Variants in ADAMTS18 observed in about 807,000 individuals in gnomAD.
ADAMTS18 encodes the protein ADAM metallopeptidase with thrombospondin type 1 motif 18, also known as A disintegrin and metalloproteinase with thrombospondin motifs 18.
ADAMTS18 carries 157 observed loss-of-function variants against 165.9 expected under a neutral mutation model. The observed-to-expected ratio is 0.95, with a 90% confidence interval of 0.83 to 1.08. The LOEUF is 1.08. Among genes scored for constraint, ADAMTS18 ranks in the 50% least tolerant of loss-of-function variants. The probability of loss-of-function intolerance (pLI) is 0.00; values close to 1 mark genes in which losing one functional copy is unlikely to be tolerated. For missense variants in ADAMTS18, 2,040 were observed against 1,534.0 expected (o/e 1.33, Z -5.51); for synonymous variants, 782 against 578.2 (o/e 1.35, Z -5.06).
chr16:77,293,322 A>G, intron 19 of ADAMTS18, 64 bp from the exon 20 acceptor site: 2 of 1,349,182 alleles, frequency 1.5e-6, no homozygotes, highest in Non-Finnish European at 2.1e-6. Flanking sequence ...ATTAAAAAAA[A>G]AAACAACACA....
chr16:77,393,597 G>C (rs983711894), intron 3 of ADAMTS18, among the ~76,000 whole-genome samples: 1 of 152,178 alleles, frequency 6.6e-6, no homozygotes, highest in East Asian at 1.9e-4. Context: ...GAGCTGCCTT[G>C]CTTCTTCCAC....
intron 13 of ADAMTS18, among the ~76,000 whole-genome samples, chr16:77,323,260 G>A (rs1483087801): frequency 6.6e-6 from 1 of 152,140 alleles, no homozygotes; most frequent in Non-Finnish European, 1.5e-5. Flanking sequence ...GGGTGATATT[G>A]AGCGATATCC....
intron 16 of ADAMTS18, among the ~76,000 whole-genome samples, chr16:77,309,198 G>T (rs74025793): frequency 1.3e-5 from 2 of 150,150 alleles, no homozygotes; most frequent in African/African-American, 4.9e-5. Context: ...TTATGCTAAC[G>T]TGCGCATGTA....
At chr16:77,428,873 T>C (rs2057704755) in intron 3 of ADAMTS18, among the ~76,000 whole-genome samples, 1 of 152,214 alleles carries the variant, frequency 6.6e-6, no homozygotes, top group Admixed American at 6.5e-5. Flanking sequence ...ACTCAATTTA[T>C]ACATACTCTG....
chr16:77,362,003 T>C, intron 7 of ADAMTS18, 102 bp downstream of exon 7: 2 of 1,297,018 alleles, frequency 1.5e-6, no homozygotes, highest in Non-Finnish European at 2.2e-6. Flanking sequence ...AAATATTATG[T>C]CTGTTTATTA....
At chr16:77,324,764 A>G (rs1188759125) in intron 13 of ADAMTS18, among the ~76,000 whole-genome samples, 1 of 152,228 alleles carries the variant, frequency 6.6e-6, no homozygotes, top group Non-Finnish European at 1.5e-5. Context: ...GCAATTTGAA[A>G]TAAATTGAAC....
At position 77,363,844 on chromosome 16, in the gene ADAMTS18, T is replaced by C; in HGVS notation, c.1014A>G (p.Ile338Met). 1.2e-6 allele frequency: 2 copies of C among 1,614,054 alleles called. No individual in the cohort carries two copies. Among genetic ancestry groups the C allele is most frequent in the Non-Finnish European group, 1.7e-6 (2 of 1,179,994 alleles). ...LFKDGTIGSD[I>M]NVVVVSLILL... The stretch of plus-strand genomic sequence containing the variant: ...GAATTAGGCTCACCACAACCACGTT[T>C]ATGTCACTTCCAATAGTCCCATCTT... The change falls in exon 6 of 23, where the codon ATA becomes ATG. Residue 338 changes from isoleucine to methionine, a missense_variant. Physicochemically the swap from Ile to Met is conservative, Grantham distance 10 (BLOSUM62 1). Coordinates refer to ENST00000282849, the MANE Select transcript of ADAMTS18 (RefSeq NM_199355.4).
intron 11 of ADAMTS18, among the ~76,000 whole-genome samples, chr16:77,341,110 T>G (rs2056390951): frequency 6.6e-6 from 1 of 152,156 alleles, no homozygotes; most frequent in African/African-American, 2.4e-5. Flanking sequence ...TAGAAATATA[T>G]GAGAGTTCTT....
chr16:77,314,782 AT>A (rs1597111166), intron 16 of ADAMTS18, among the ~76,000 whole-genome samples: 1 of 90,222 alleles, frequency 1.1e-5, no homozygotes, highest in East Asian at 2.8e-4. Flanking sequence ...ATATATATAT[AT>A]ATAAAATATA....
intron 3 of ADAMTS18, among the ~76,000 whole-genome samples, chr16:77,397,054 C>A (rs1333299472): frequency 6.6e-6 from 1 of 152,108 alleles, no homozygotes; most frequent in Admixed American, 6.5e-5. Flanking sequence ...GGTGATCCAC[C>A]TGCCTCAGCC....
chr16:77,376,809 CT>C (rs549942617), intron 3 of ADAMTS18, among the ~76,000 whole-genome samples: 5,855 of 103,396 alleles, frequency 0.057, 48 homozygotes, highest in South Asian at 0.097. Flanking sequence ...CTAAATCATT[CT>C]TTTTTTTTTT....
intron 3 of ADAMTS18, among the ~76,000 whole-genome samples, chr16:77,400,615 G>A (rs2057318499): frequency 6.6e-6 from 1 of 151,770 alleles, no homozygotes; most frequent in Non-Finnish European, 1.5e-5. Context: ...CTAAGTAGCT[G>A]GGACTACAGG....
chr16:77,407,896 A>AGC (rs1409733556), intron 3 of ADAMTS18, among the ~76,000 whole-genome samples: 25 of 152,136 alleles, frequency 1.6e-4, no homozygotes, highest in African/African-American at 5.8e-4. Flanking sequence ...TAATACAGGA[A>AGC]GCCAGAGACT....
chr16:77,353,942 T>G, intron 9 of ADAMTS18, 56 bp from the exon 10 acceptor site: 1 of 1,604,572 alleles, frequency 6.2e-7, no homozygotes, highest in Non-Finnish European at 8.5e-7. Flanking sequence ...TCTTTCCATT[T>G]ACGACAACAC....
intron 16 of ADAMTS18, 106 bp from the exon 17 acceptor site, chr16:77,300,510 T>A: frequency 7.8e-7 from 1 of 1,280,390 alleles, no homozygotes; most frequent in Non-Finnish European, 1.1e-6. Flanking sequence ...ATTTTGACCT[T>A]AACATTGGTA....
At chr16:77,356,161 G>C in intron 8 of ADAMTS18, 84 bp from the exon 9 acceptor site, 1 of 1,570,432 alleles carries the variant, frequency 6.4e-7, no homozygotes, top group Non-Finnish European at 8.7e-7. Context: ...AAGATGTATT[G>C]ATCATCAACA....
At chr16:77,382,127 T>G (rs1009283166) in intron 3 of ADAMTS18, among the ~76,000 whole-genome samples, 2 of 152,198 alleles carry the variant, frequency 1.3e-5, no homozygotes, top group African/African-American at 4.8e-5. Flanking sequence ...GAGAGACATA[T>G]CCACAATAAT....
intron 3 of ADAMTS18, among the ~76,000 whole-genome samples, chr16:77,421,279 A>G (rs2057599044): frequency 1.3e-5 from 2 of 152,190 alleles, no homozygotes. Context: ...GACTTGCATT[A>G]TGGTATTTGA....
intron 16 of ADAMTS18, among the ~76,000 whole-genome samples, chr16:77,316,104 A>T (rs187357974): frequency 1.3e-5 from 2 of 152,256 alleles, no homozygotes; most frequent in African/African-American, 4.8e-5. Flanking sequence ...TCTCTACCAT[A>T]ATACACTGCA....
Sources: gnomAD v4.1 joint callset for allele counts (sites outside exome capture counted in the v4.1 genomes callset) on GRCh38, gnomAD v4.1.1 for gene constraint, MANE v1.5 for transcripts, NCBI Gene and HGNC (gene_info 2026-07-23, HGNC 2026-07-21) for gene names.